EPSTI1: variants seen among roughly 807,000 people sequenced by gnomAD.
The protein encoded by EPSTI1 is epithelial-stromal interaction protein 1.
A neutral mutation model predicts 49.9 loss-of-function variants in EPSTI1; 66 were observed. The observed-to-expected ratio is 1.32, with a 90% CI of 1.08 to 1.62. The LOEUF (loss-of-function observed/expected upper bound fraction) is 1.62, where lower values mean the gene tolerates loss of function less well. Among genes scored for constraint, EPSTI1 ranks in the 40% most tolerant of loss-of-function variants. The pLI is 0.00. For missense variants in EPSTI1, 394 were observed against 365.5 expected (o/e 1.08, Z -0.64); for synonymous variants, 137 against 130.7 (o/e 1.05, Z -0.33).
At chr13:42,971,740 T>G (rs1216899848) in intron 1 of EPSTI1, among the ~76,000 whole-genome samples, 1 of 152,228 alleles carries the variant, frequency 6.6e-6, no homozygotes, top group African/African-American at 2.4e-5. Flanking sequence ...AGAAGCCATT[T>G]CCTTCCTTAT....
At chr13:42,933,673 C>T (rs2038455485) in intron 6 of EPSTI1, among the ~76,000 whole-genome samples, 1 of 152,198 alleles carries the variant, frequency 6.6e-6, no homozygotes, top group Non-Finnish European at 1.5e-5. Flanking sequence ...GGCAGTTGGT[C>T]AAAGCTGGTG....
At chr13:42,943,187 G>A (rs190559992) in intron 6 of EPSTI1, among the ~76,000 whole-genome samples, 1 of 152,138 alleles carries the variant, frequency 6.6e-6, no homozygotes, top group African/African-American at 2.4e-5. Flanking sequence ...TATGCAGATG[G>A]CTTGTCTCCA....
chr13:42,947,646 G>A (rs1594704675), intron 6 of EPSTI1, among the ~76,000 whole-genome samples: 1 of 152,266 alleles, frequency 6.6e-6, no homozygotes, highest in Non-Finnish European at 1.5e-5. Flanking sequence ...TCTACATCTA[G>A]AAGGGCTAGA....
intron 1 of EPSTI1, among the ~76,000 whole-genome samples, chr13:42,971,598 T>C (rs2039768536): frequency 7.8e-6 from 1 of 128,834 alleles, no homozygotes; most frequent in Non-Finnish European, 1.7e-5. Context: ...AGCTTCTAAC[T>C]GTAGGATTTA....
At chr13:42,894,614 T>C (rs2037132380) in intron 10 of EPSTI1, among the ~76,000 whole-genome samples, 1 of 152,020 alleles carries the variant, frequency 6.6e-6, no homozygotes, top group Non-Finnish European at 1.5e-5. Flanking sequence ...CTTTGATGTG[T>C]TAGTTTGACT....
At chr13:42,972,914 G>A (rs1366384501) in intron 1 of EPSTI1, among the ~76,000 whole-genome samples, 3 of 151,936 alleles carry the variant, frequency 2.0e-5, no homozygotes, top group Non-Finnish European at 4.4e-5. Flanking sequence ...TCTTAAAGTG[G>A]GAATGATGTA....
chr13:42,989,179 C>T (rs1158932936), intron 1 of EPSTI1, among the ~76,000 whole-genome samples: 1 of 151,420 alleles, frequency 6.6e-6, no homozygotes, highest in Non-Finnish European at 1.5e-5. Flanking sequence ...GTGTTTTAAA[C>T]CAGTGTTTTT....
At chr13:42,958,365 A>T (rs1024640807) in intron 5 of EPSTI1, among the ~76,000 whole-genome samples, 1 of 152,204 alleles carries the variant, frequency 6.6e-6, no homozygotes, top group Non-Finnish European at 1.5e-5. Context: ...AGAGGAGTTG[A>T]AAGCAGACCA....
In EPSTI1 at chr13:42,989,032, ATTTTTTTTTTTTTTT is replaced by A. The variant is rs74772535; in HGVS notation, c.188+2931_188+2945del. 4.2e-5 allele frequency among the ~76,000 whole-genome samples: 4 copies of A among 96,124 alleles called. No homozygotes were observed. In the Admixed American group the frequency reaches 5.1e-4, roughly 12 times the overall value. 63.1% of individuals were successfully genotyped at this position (96,124 alleles called of 152,430 possible). A position where few individuals can be genotyped will look rare whatever the true frequency, so the allele number is the denominator to read the frequency against. On this transcript the variant is annotated intron_variant, in intron 1 of 10. Coordinates refer to ENST00000313624, the MANE Select transcript of EPSTI1 (RefSeq NM_033255.5). ...GTGCCACCGTGCCCAGATAATTTAAATTTTTTTTTTTTTTTTTTTTTTTTTGGAGAGACAAGGGAC... is the reference window on the plus strand; with the variant it reads ...GTGCCACCGTGCCCAGATAATTTAAATTTTTTTTTTGGAGAGACAAGGGAC...
chr13:42,946,284 A>G (rs2038915165), intron 6 of EPSTI1, among the ~76,000 whole-genome samples: 1 of 152,212 alleles, frequency 6.6e-6, no homozygotes, highest in South Asian at 2.1e-4. Flanking sequence ...AAAAATGAAG[A>G]AAACTTTCCA....
intron 1 of EPSTI1, among the ~76,000 whole-genome samples, chr13:42,974,325 A>C (rs2039831702): frequency 6.7e-6 from 1 of 149,484 alleles, no homozygotes; most frequent in South Asian, 2.1e-4. Context: ...GATAACAGTG[A>C]AACTCTGTCT....
chr13:42,935,510 G>A (rs756077180), intron 6 of EPSTI1, among the ~76,000 whole-genome samples: 5 of 152,204 alleles, frequency 3.3e-5, no homozygotes, highest in Non-Finnish European at 7.3e-5. Flanking sequence ...TGGTAAAGTA[G>A]ACTGGCTTCA....
intron 8 of EPSTI1, among the ~76,000 whole-genome samples, chr13:42,914,418 T>C (rs572018515): frequency 6.6e-6 from 1 of 151,706 alleles, no homozygotes; most frequent in Non-Finnish European, 1.5e-5. Context: ...TCAACCAGAA[T>C]AATACAGTTA....
At chr13:42,957,739 C>A (rs2039316418) in intron 5 of EPSTI1, among the ~76,000 whole-genome samples, 1 of 152,044 alleles carries the variant, frequency 6.6e-6, no homozygotes, top group African/African-American at 2.4e-5. Flanking sequence ...CCACACCTGG[C>A]TAATATATGT....
In EPSTI1 at chr13:42,974,474, G is replaced by A. The variant is rs1019852450; in HGVS notation, c.189-3804C>T. Among the ~76,000 whole-genome samples, 5 of 151,602 alleles carry A rather than the reference G, an allele frequency of 3.3e-5. No individual in the cohort carries two copies. The South Asian group carries it at 6.3e-4, about 19-fold the overall frequency. On this transcript the variant is annotated intron_variant, in intron 1 of 10. Coordinates refer to ENST00000313624, the MANE Select transcript of EPSTI1 (RefSeq NM_033255.5). ...AGATTGAGACCATCCTGGCTAACAC[G>A]GTGAAACCCCGTCTCTACTAAAAAT... is the stretch of plus-strand genomic sequence containing the variant.
At chr13:42,933,917 A>G (rs1465954018) in intron 6 of EPSTI1, 1 of 153,860 alleles carries the variant, frequency 6.5e-6, no homozygotes, top group Non-Finnish European at 1.5e-5. Context: ...TTATGTTATG[A>G]CCTGTTTTTG....
At chr13:42,987,577 G>T (rs1362454399) in intron 1 of EPSTI1, among the ~76,000 whole-genome samples, 1 of 134,080 alleles carries the variant, frequency 7.5e-6, no homozygotes, top group Non-Finnish European at 1.8e-5. Context: ...GTTTTTTTGC[G>T]ATTTTTTTTT....
At chr13:42,974,948 G>A (rs1241084081) in intron 1 of EPSTI1, among the ~76,000 whole-genome samples, 1 of 151,842 alleles carries the variant, frequency 6.6e-6, no homozygotes, top group East Asian at 1.9e-4. Context: ...AAAATTAAGT[G>A]AAAAACATAA....
intron 5 of EPSTI1, among the ~76,000 whole-genome samples, chr13:42,954,533 T>G (rs1404948262): frequency 6.6e-6 from 1 of 152,080 alleles, no homozygotes; most frequent in Non-Finnish European, 1.5e-5. Context: ...GAATAGCACA[T>G]GTCATAAAAA....
Sources: allele counts gnomAD v4.1 joint callset (sites outside exome capture counted in the v4.1 genomes callset), GRCh38; gene constraint gnomAD v4.1.1; transcripts MANE v1.5; gene names NCBI Gene and HGNC (gene_info 2026-07-23, HGNC 2026-07-21).